The following TGFB2 variants were observed in gnomAD, a reference collection of about 807,000 sequenced individuals.
The protein encoded by TGFB2 is transforming growth factor beta-2 proprotein.
A neutral mutation model predicts 42.7 loss-of-function variants in TGFB2; 13 were observed. The ratio of observed to expected loss-of-function variants is 0.30; its 90% confidence interval spans 0.20 to 0.48. The LOEUF is 0.48. Ranked by LOEUF, TGFB2 falls within the 20% of genes least tolerant of loss-of-function variation. The pLI, the probability that TGFB2 is intolerant of heterozygous loss-of-function variation, is 0.99. For missense variants in TGFB2, 390 were observed against 517.5 expected, an observed-to-expected ratio of 0.75 and a Z score of 2.39; for synonymous variants, 193 against 193.6, an observed-to-expected ratio of 1.00 and a Z score of 0.03.
intron 3 of TGFB2, 26 bp from the exon 4 acceptor site, chr1:218,434,312 G>A: frequency 6.2e-7 from 1 of 1,611,938 alleles, no homozygotes; most frequent in Non-Finnish European, 8.5e-7. Context: ...ACATACAAAT[G>A]ACCTCCTTGA....
At chr1:218,380,190 A>G (rs1657912513) in intron 1 of TGFB2, among the ~76,000 whole-genome samples, 1 of 152,238 alleles carries the variant, frequency 6.6e-6, no homozygotes. Context: ...TTGGAAGCTC[A>G]AGTCGGTGAC....
chr1:218,396,891 A>G (rs1413473026), intron 1 of TGFB2, among the ~76,000 whole-genome samples: 1 of 152,088 alleles, frequency 6.6e-6, no homozygotes, highest in Non-Finnish European at 1.5e-5. Flanking sequence ...GAGGAATCCT[A>G]TTTTTCCAGT....
At chr1:218,394,728 G>A (rs370202166) in intron 1 of TGFB2, among the ~76,000 whole-genome samples, 6 of 152,186 alleles carry the variant, frequency 3.9e-5, no homozygotes, top group East Asian at 3.9e-4. Flanking sequence ...CCGCTGATGC[G>A]CTGTTTATTT....
chr1:218,393,573 G>C (rs1282045794), intron 1 of TGFB2, among the ~76,000 whole-genome samples: 1 of 152,034 alleles, frequency 6.6e-6, no homozygotes, highest in Admixed American at 6.6e-5. Context: ...GAACCAAAAA[G>C]ATGACTATTT....
At chr1:218,409,116 C>T (rs1347934249) in intron 2 of TGFB2, among the ~76,000 whole-genome samples, 1 of 152,152 alleles carries the variant, frequency 6.6e-6, no homozygotes, top group Non-Finnish European at 1.5e-5. Context: ...AGGTGGAGCT[C>T]AGGCAGTACT....
At chr1:218,354,782 T>C (rs994103121) in intron 1 of TGFB2, among the ~76,000 whole-genome samples, 1 of 152,222 alleles carries the variant, frequency 6.6e-6, no homozygotes, top group African/African-American at 2.4e-5. Flanking sequence ...TCACAAGCAC[T>C]GAGAAAATAT....
At chr1:218,433,918 T>C (rs1659884867) in intron 2 of TGFB2, among the ~76,000 whole-genome samples, 164 bp from the exon 3 acceptor site, 1 of 152,200 alleles carries the variant, frequency 6.6e-6, no homozygotes, top group Non-Finnish European at 1.5e-5. Context: ...TAGCCTGGTG[T>C]TGTGTTTTTA....
intron 4 of TGFB2, 144 bp from the exon 5 acceptor site, chr1:218,435,826 C>A: frequency 2.6e-6 from 2 of 780,302 alleles, no homozygotes; most frequent in Non-Finnish European, 4.1e-6. Context: ...ATATCTATTT[C>A]CATGGGGAAT....
intron 1 of TGFB2, among the ~76,000 whole-genome samples, chr1:218,379,893 A>T (rs1334896054): frequency 8.5e-5 from 13 of 152,184 alleles, no homozygotes; most frequent in Non-Finnish European, 8.8e-5. Context: ...ATAAGTACCT[A>T]TGTCTAGTTC....
chr1:218,401,575 C>A (rs949424420), intron 1 of TGFB2, among the ~76,000 whole-genome samples: 1 of 152,108 alleles, frequency 6.6e-6, no homozygotes, highest in African/African-American at 2.4e-5. Flanking sequence ...AGAGAAGGAG[C>A]GGGCCAGGAT....
In TGFB2 at chr1:218,434,195, T is replaced by C. The variant is rs755821914; in HGVS notation, c.624T>C (p.His208=). 4.3e-6 allele frequency: 7 copies of C among 1,614,070 alleles called. No individual in the cohort carries two copies. Among genetic ancestry groups the C allele is most frequent in the African/African-American group, 4.0e-5 (3 of 74,936 alleles). ...CCTTCGATGTAACTGATGCTGTTCA[T>C]GAATGGCTTCACCATAAAGGTTACA... The part of the protein sequence containing the change: ...WLSFDVTDAV[H]EWLHHKDRNL... Residue 208 remains histidine, a synonymous_variant, in exon 3 of 7, where the codon CAT becomes CAC. Coordinates refer to ENST00000366930, the MANE Select transcript of TGFB2 (RefSeq NM_003238.6).
chr1:218,400,690 G>A (rs1448293876), intron 1 of TGFB2, among the ~76,000 whole-genome samples: 1 of 152,178 alleles, frequency 6.6e-6, no homozygotes, highest in Admixed American at 6.5e-5. Context: ...AAAGGAGTGG[G>A]TGAGAGACGT....
chr1:218,349,760 G>A (rs1656809245), intron 1 of TGFB2, among the ~76,000 whole-genome samples: 1 of 152,182 alleles, frequency 6.6e-6, no homozygotes, highest in African/African-American at 2.4e-5. Flanking sequence ...TATTGTATAT[G>A]CCCTGAGGCA....
chr1:218,427,903 T>C (rs992101977), intron 2 of TGFB2, among the ~76,000 whole-genome samples: 1 of 152,196 alleles, frequency 6.6e-6, no homozygotes, highest in Non-Finnish European at 1.5e-5. Flanking sequence ...CTTGAGGAAT[T>C]GCCACACTGT....
chr1:218,373,103 G>C (rs902236541), intron 1 of TGFB2, among the ~76,000 whole-genome samples: 3 of 152,142 alleles, frequency 2.0e-5, no homozygotes, highest in African/African-American at 7.2e-5. Flanking sequence ...GCTTGAATCT[G>C]GGAGGCGGAG....
intron 1 of TGFB2, among the ~76,000 whole-genome samples, chr1:218,354,587 G>A (rs1001877141): frequency 1.8e-4 from 27 of 152,178 alleles, no homozygotes; most frequent in African/African-American, 5.6e-4. Context: ...GACAGCTGAG[G>A]AAATGGAAAT....
At chr1:218,386,003 G>A (rs1175389592) in intron 1 of TGFB2, among the ~76,000 whole-genome samples, 1 of 152,110 alleles carries the variant, frequency 6.6e-6, no homozygotes, top group Admixed American at 6.5e-5. Flanking sequence ...CCTGTCATAA[G>A]ATCCTGGCTA....
chr1:218,386,432 T>G (rs1658140322), intron 1 of TGFB2, among the ~76,000 whole-genome samples: 2 of 152,344 alleles, frequency 1.3e-5, no homozygotes, highest in South Asian at 4.1e-4. Context: ...TGTTTTCAAA[T>G]GTAGGCACTG....
chr1:218,438,285 C>T (rs1201706857), intron 6 of TGFB2, among the ~76,000 whole-genome samples: 1 of 151,982 alleles, frequency 6.6e-6, no homozygotes, highest in Non-Finnish European at 1.5e-5. Context: ...TGAAGGGACC[C>T]AGGTCTCCAT....
Sources: allele counts gnomAD v4.1 joint callset (sites outside exome capture counted in the v4.1 genomes callset), GRCh38; gene constraint gnomAD v4.1.1; transcripts MANE v1.5; gene names NCBI Gene and HGNC (gene_info 2026-07-23, HGNC 2026-07-21).